The following NDFIP2 variants were observed in gnomAD, a reference collection of about 807,000 sequenced individuals.
NDFIP2 encodes the protein Nedd4 family interacting protein 2.
Under a neutral mutation model 36.0 loss-of-function variants are expected in NDFIP2, and 19 were observed. The observed-to-expected ratio is 0.53, with a 90% CI of 0.37 to 0.77. NDFIP2 has a LOEUF of 0.77. Ranked by LOEUF, NDFIP2 falls within the 30% of genes least tolerant of loss-of-function variation. The pLI, the probability that NDFIP2 is intolerant of heterozygous loss-of-function variation, is 0.00. For synonymous variants in NDFIP2, 181 were observed against 167.7 expected, an observed-to-expected ratio of 1.08 and a Z score of -0.61; for missense variants, 446 against 435.8, an observed-to-expected ratio of 1.02 and a Z score of -0.21.
Position 79,481,450 on chromosome 13 carries a change from T to G in NDFIP2, c.247T>G (p.Ser83Ala). 1 of 1,561,924 alleles carries G rather than the reference T, an allele frequency of 6.4e-7. No homozygotes were observed. Among genetic ancestry groups the G allele is most frequent in the Non-Finnish European group, 8.7e-7 (1 of 1,152,868 alleles). The change falls in exon 1 of 8, where the codon TCC becomes GCC. Residue 83 changes from serine (S) to alanine (A), a missense_variant. Physicochemically the swap from Ser to Ala is moderately conservative, Grantham distance 99. Around this residue, in one of 2 missense-constraint regions of NDFIP2, gnomAD observed 369 missense variants for 304.8 expected, o/e 1.21. Transcript: ENST00000218652. Reference protein sequence around the residue: ...VAVGAEHGEDSLSRKPDPEPG... With the variant: ...VAVGAEHGEDALSRKPDPEPG... The stretch of plus-strand genomic sequence containing the variant: ...CGTGGGAGCTGAGCACGGAGAAGAC[T>G]CCCTCTCTCGGAAGCCGGATCCCGA...
chr13:79,551,551 C>T (rs182663045), intron 7 of NDFIP2, among the ~76,000 whole-genome samples: 13 of 151,392 alleles, frequency 8.6e-5, no homozygotes, highest in Admixed American at 6.6e-4. Flanking sequence ...AGAAAAAAAT[C>T]TGATTGAAAA....
Position 79,520,974 on chromosome 13 carries a change from A to G in NDFIP2, c.486A>G (p.Ser162=). Residue 162 remains serine (S), a splice_region_variant and synonymous_variant, in exon 2 of 8, where the codon TCA becomes TCG. Transcript: ENST00000218652. Reference sequence around the variant, plus strand: ...TTACTGTGGAAGTACCTACAACTTCAGGTATGAAACATCTAGTAATGTTTT... The same window carrying G: ...TTACTGTGGAAGTACCTACAACTTCGGGTATGAAACATCTAGTAATGTTTT... ...SSITVEVPTT[S]DTEVYGEFYP... The G allele has an allele frequency of 6.3e-7, 1 of 1,584,712 alleles. No individual in the cohort carries two copies. The highest frequency in any genetic ancestry group is 1.4e-5 in the African/African-American group (1 of 73,464).
chr13:79,543,136 C>G (rs998458710), intron 4 of NDFIP2, among the ~76,000 whole-genome samples: 28 of 152,194 alleles, frequency 1.8e-4, no homozygotes, highest in African/African-American at 6.5e-4. Context: ...CTTGGCCTCC[C>G]AAAGTGCTGG....
At position 79,497,535 on chromosome 13, in the gene NDFIP2, G is replaced by GT. The variant is rs561509601; in HGVS notation, c.321+16018dup. ...ATATTCAGAATGCCCAGGTAGTTGT[G>GT]TTTTTTTATTTTTTTAAATTCTTTT... On this transcript the variant is annotated intron_variant, in intron 1 of 7. Transcript: ENST00000218652. Among the ~76,000 whole-genome samples, 37 of 151,290 alleles carry GT rather than the reference G, an allele frequency of 2.4e-4. No homozygotes were observed. The South Asian group carries it at 6.7e-3, about 27-fold the overall frequency.
rs1422800924 is a variant in NDFIP2 at position 79,533,325 on chromosome 13, A to G, written c.490A>G (p.Thr164Ala). 2 of 1,596,018 alleles carry G rather than the reference A, an allele frequency of 1.3e-6. No homozygotes were observed. The highest frequency in any genetic ancestry group is 1.2e-5 in the South Asian group (1 of 86,846). ...TTCTTTTTGAATTCTTTCTTCAGATACAGAAGTTTACGGTGAGTTTTATCC... is the reference window on the plus strand; with the variant it reads ...TTCTTTTTGAATTCTTTCTTCAGATGCAGAAGTTTACGGTGAGTTTTATCC... The part of the protein sequence containing the change: ...ITVEVPTTSD[T>A]EVYGEFYPVP... Residue 164 changes from threonine to alanine, a missense_variant and splice_region_variant, in exon 3 of 8, where the codon ACA (threonine) becomes GCA (alanine). Thr to Ala is a moderately conservative substitution (Grantham distance 58, BLOSUM62 0). Coordinates refer to ENST00000218652, the MANE Select transcript of NDFIP2 (RefSeq NM_019080.3).
intron 3 of NDFIP2, among the ~76,000 whole-genome samples, chr13:79,537,634 A>G (rs1312740108): frequency 2.0e-5 from 3 of 152,248 alleles, no homozygotes; most frequent in African/African-American, 7.2e-5. Context: ...CCGAATAATA[A>G]GCAATATAAA....
intron 1 of NDFIP2, among the ~76,000 whole-genome samples, chr13:79,488,725 A>G (rs1873114384): frequency 6.6e-6 from 1 of 152,186 alleles, no homozygotes; most frequent in South Asian, 2.1e-4. Flanking sequence ...TTGGTTAATA[A>G]GACAGTTAAG....
rs1199600595 is a variant in NDFIP2, at chr13:79,543,406, AAGT to A, written c.716-149_716-147del. 41 of 946,174 alleles carry A rather than the reference AAGT, an allele frequency of 4.3e-5. No homozygotes were observed. In the East Asian group the frequency reaches 9.8e-4, roughly 23 times the overall value. The allele number at this position is 946,174 out of a possible 1,614,324, so 58.6% of individuals were successfully genotyped here. On this transcript the variant is annotated intron_variant, in intron 4 of 7. Transcript: ENST00000218652. ...GTATAGCAAATAAGCCATTTGCAAAAAGTAGGCTATAGTCTATAAAGAAGGCTT... is the reference window on the plus strand; with the variant it reads ...GTATAGCAAATAAGCCATTTGCAAAAAGGCTATAGTCTATAAAGAAGGCTT...
intron 6 of NDFIP2, 38 bp from the exon 7 acceptor site, chr13:79,550,979 A>G (rs757047582): frequency 1.7e-5 from 21 of 1,251,916 alleles, no homozygotes; most frequent in Admixed American, 7.1e-5. Flanking sequence ...TTTTCTGTAT[A>G]AAAACATAGT....
At chr13:79,509,122 C>T (rs1392799115) in intron 1 of NDFIP2, among the ~76,000 whole-genome samples, 1 of 152,082 alleles carries the variant, frequency 6.6e-6, no homozygotes, top group East Asian at 1.9e-4. Flanking sequence ...TTTTGTCAAG[C>T]TTAAAGACAT....
intron 2 of NDFIP2, among the ~76,000 whole-genome samples, chr13:79,530,483 T>C (rs1874973442): frequency 1.3e-5 from 2 of 152,188 alleles, no homozygotes; most frequent in South Asian, 4.1e-4. Flanking sequence ...CTCTTTGTTT[T>C]ACAAAAGAAT....
chr13:79,511,624 A>G (rs749294236), intron 1 of NDFIP2, among the ~76,000 whole-genome samples: 6 of 152,182 alleles, frequency 3.9e-5, no homozygotes, highest in Non-Finnish European at 5.9e-5. Context: ...TGCATCCATT[A>G]TTTGACAAGC....
chr13:79,545,611 G>T (rs1427108279), intron 5 of NDFIP2, among the ~76,000 whole-genome samples: 1 of 152,132 alleles, frequency 6.6e-6, no homozygotes, highest in Non-Finnish European at 1.5e-5. Context: ...TGTATGCCAG[G>T]CATAATTTGT....
At chr13:79,550,542 T>TA (rs546003114) in intron 6 of NDFIP2, among the ~76,000 whole-genome samples, 261 of 151,780 alleles carry the variant, frequency 1.7e-3, no homozygotes, top group African/African-American at 6.0e-3. Context: ...CACTTGATAT[T>TA]ACTATACAGG....
chr13:79,524,838 C>T (rs1342951879), intron 2 of NDFIP2, among the ~76,000 whole-genome samples: 4 of 152,206 alleles, frequency 2.6e-5, no homozygotes, highest in Non-Finnish European at 5.9e-5. Context: ...GTCATATGCC[C>T]TGCAGTGTCA....
chr13:79,486,207 G>A (rs892697947), intron 1 of NDFIP2, among the ~76,000 whole-genome samples: 15 of 151,964 alleles, frequency 9.9e-5, no homozygotes, highest in African/African-American at 3.1e-4. Context: ...TTTAAATAAG[G>A]GATACTCAAC....
intron 2 of NDFIP2, among the ~76,000 whole-genome samples, chr13:79,528,347 G>A (rs1594854046): frequency 6.6e-6 from 1 of 152,166 alleles, no homozygotes; most frequent in Admixed American, 6.5e-5. Context: ...TGTACAATGT[G>A]TTTGTGTTTT....
rs764603904 is a variant in NDFIP2 at position 79,543,540 on chromosome 13, G to A, written c.716-18G>A. 4 of 1,612,430 alleles carry A rather than the reference G, an allele frequency of 2.5e-6. No homozygotes were observed. The highest frequency in any genetic ancestry group is 3.4e-6 in the Non-Finnish European group (4 of 1,179,236). ...TCCAAATTGTGGTTTATAAAAGAAC[G>A]GTTTCTGTTGCTTTTAGTGGCATTT... On this transcript the variant is annotated intron_variant, in intron 4 of 7. Coordinates refer to ENST00000218652, the MANE Select transcript of NDFIP2 (RefSeq NM_019080.3).
chr13:79,517,576 A>G (rs1384513649), intron 1 of NDFIP2, among the ~76,000 whole-genome samples: 1 of 152,212 alleles, frequency 6.6e-6, no homozygotes, highest in Non-Finnish European at 1.5e-5. Context: ...AAAGTTATAT[A>G]TGCTACAGTA....
Sources: gnomAD v4.1 joint callset for allele counts (sites outside exome capture counted in the v4.1 genomes callset) on GRCh38, gnomAD v4.1.1 for gene constraint, gnomAD v4.1.1 regional missense constraint, MANE v1.5 for transcripts, NCBI Gene and HGNC (gene_info 2026-07-23, HGNC 2026-07-21) for gene names.